Variants in LIMCH1 observed in about 807,000 individuals in gnomAD.
LIMCH1 encodes LIM and calponin homology domains-containing protein 1.
LIMCH1 carries 113 observed loss-of-function variants against 176.5 expected under a neutral mutation model. The observed-to-expected ratio is 0.64, with a 90% confidence interval of 0.55 to 0.75. The LOEUF is 0.75. Ranked by LOEUF, LIMCH1 falls within the 30% of genes least tolerant of loss-of-function variation. The pLI is 0.00. For synonymous variants in LIMCH1, 619 were observed against 645.9 expected (o/e 0.96, Z 0.63); for missense variants, 1,674 against 1,814.9 (o/e 0.92, Z 1.41).
At chr4:41,598,851 C>A in intron 1 of LIMCH1, 69 bp from the exon 2 acceptor site, 3 of 974,640 alleles carry the variant, frequency 3.1e-6, no homozygotes, top group Non-Finnish European at 3.2e-6. Flanking sequence ...CCTACAGCAA[C>A]TTGGGAGGGG....
At chr4:41,612,904 A>T in intron 4 of LIMCH1, 1 of 1,427,346 alleles carries the variant, frequency 7.0e-7, no homozygotes, top group Non-Finnish European at 9.1e-7. Flanking sequence ...TCCCTTTCAG[A>T]GCAGGAATTT....
At chr4:41,448,514 G>A (rs1192977175) in intron 1 of LIMCH1, among the ~76,000 whole-genome samples, 2 of 151,628 alleles carry the variant, frequency 1.3e-5, no homozygotes, top group Admixed American at 6.6e-5. Flanking sequence ...ATGTCAGTGC[G>A]TAAGGAAGCA....
intron 4 of LIMCH1, among the ~76,000 whole-genome samples, chr4:41,609,026 A>G (rs1246779670): frequency 6.6e-6 from 1 of 152,006 alleles, no homozygotes; most frequent in African/African-American, 2.4e-5. Flanking sequence ...AATTCCTAGT[A>G]ATGTACCCTG....
intron 1 of LIMCH1, among the ~76,000 whole-genome samples, chr4:41,549,382 T>G (rs1226129281): frequency 1.3e-5 from 2 of 152,172 alleles, no homozygotes; most frequent in Admixed American, 6.5e-5. Context: ...GACACAGGGA[T>G]GTGAAGTCCG....
intron 1 of LIMCH1, among the ~76,000 whole-genome samples, chr4:41,492,419 GAGAGGGAGCCC>G (rs1185684941): frequency 1.3e-5 from 2 of 148,780 alleles, no homozygotes; most frequent in East Asian, 4.1e-4. Flanking sequence ...GGCTCCACAA[GAGAGGGAGCCC>G]AGAGGGAGAA....
At chr4:41,669,616 T>C (rs2094946299) in intron 21 of LIMCH1, among the ~76,000 whole-genome samples, 1 of 152,220 alleles carries the variant, frequency 6.6e-6, no homozygotes. Flanking sequence ...CTCAAGTATT[T>C]ATTTAAATTG....
In LIMCH1 at chr4:41,434,085, A is replaced by T. The variant is rs571201463; in HGVS notation, c.97-60451A>T. Among the ~76,000 whole-genome samples, 8 of 152,286 alleles carry T rather than the reference A, an allele frequency of 5.3e-5. No homozygotes were observed. In the South Asian group the frequency reaches 1.7e-3, roughly 32 times the overall value. ...GGACAAAATGGTGAGGTCAGGTGGA[A>T]GGGGCCCCAGGGCACTCACCAAGGC... On this transcript the variant is annotated intron_variant, in intron 1 of 26. Coordinates refer to the LIMCH1 transcript ENST00000313860.
At chr4:41,613,861 C>G (rs992649004) in intron 5 of LIMCH1, among the ~76,000 whole-genome samples, 200 bp downstream of exon 5, 8 of 152,156 alleles carry the variant, frequency 5.3e-5, no homozygotes, top group Non-Finnish European at 7.3e-5. Flanking sequence ...TTGGCTTTGC[C>G]AGGAGTTTAT....
At chr4:41,648,915 C>T (rs2152937187) in intron 17 of LIMCH1, among the ~76,000 whole-genome samples, 1 of 150,786 alleles carries the variant, frequency 6.6e-6, no homozygotes, top group African/African-American at 2.4e-5. Context: ...CATAGTGTGT[C>T]ACACAATGAA....
chr4:41,516,027 A>G (rs923659552), intron 2 of LIMCH1, among the ~76,000 whole-genome samples: 2 of 152,030 alleles, frequency 1.3e-5, no homozygotes, highest in Non-Finnish European at 2.9e-5. Context: ...TGCATGTATC[A>G]CTCCCTGTGT....
At chr4:41,494,222 A>G (rs2071610944) in intron 1 of LIMCH1, among the ~76,000 whole-genome samples, 1 of 151,802 alleles carries the variant, frequency 6.6e-6, no homozygotes, top group Non-Finnish European at 1.5e-5. Context: ...TGGGAAGGAA[A>G]TTCAGGCCTA....
intron 1 of LIMCH1, among the ~76,000 whole-genome samples, chr4:41,379,576 C>G (rs1411541314): frequency 6.6e-6 from 1 of 152,104 alleles, no homozygotes; most frequent in Admixed American, 6.5e-5. Flanking sequence ...ATCAAAGAAT[C>G]TGTGGACATA....
At chr4:41,649,635 T>G (rs980788701) in intron 17 of LIMCH1, among the ~76,000 whole-genome samples, 1 of 152,108 alleles carries the variant, frequency 6.6e-6, no homozygotes, top group Non-Finnish European at 1.5e-5. Context: ...TTCAATCAGG[T>G]CACCTAACTG....
chr4:41,388,596 G>A (rs1204732489), intron 1 of LIMCH1, among the ~76,000 whole-genome samples: 1 of 152,114 alleles, frequency 6.6e-6, no homozygotes, highest in Non-Finnish European at 1.5e-5. Flanking sequence ...TATGGAATTG[G>A]ACTTTTACAA....
chr4:41,468,818 G>A (rs1393359826), intron 1 of LIMCH1, among the ~76,000 whole-genome samples: 5 of 152,056 alleles, frequency 3.3e-5, no homozygotes, highest in African/African-American at 9.7e-5. Flanking sequence ...CTGGTGGGTG[G>A]CAGCTCGGAT....
At chr4:41,608,957 C>T (rs775516649) in intron 4 of LIMCH1, among the ~76,000 whole-genome samples, 7 of 152,118 alleles carry the variant, frequency 4.6e-5, no homozygotes, top group Non-Finnish European at 1.0e-4. Flanking sequence ...GGATTACTTG[C>T]TTCTAGCTCC....
intron 2 of LIMCH1, among the ~76,000 whole-genome samples, chr4:41,522,381 T>A (rs955662344): frequency 6.6e-6 from 1 of 152,162 alleles, no homozygotes; most frequent in African/African-American, 2.4e-5. Flanking sequence ...TAAATTCTCC[T>A]CTGGAAAGTC....
chr4:41,621,178 G>T (rs1162155888), intron 7 of LIMCH1, among the ~76,000 whole-genome samples: 1 of 152,032 alleles, frequency 6.6e-6, no homozygotes. Flanking sequence ...AAGTAGAATT[G>T]GGTTTATTTG....
At chr4:41,678,250 A>G (rs1034771223) in intron 23 of LIMCH1, among the ~76,000 whole-genome samples, 6 of 148,654 alleles carry the variant, frequency 4.0e-5, no homozygotes, top group Non-Finnish European at 8.9e-5. Flanking sequence ...TTTTTTTCCT[A>G]ATCCTTTTGG....
Sources: gnomAD v4.1 joint callset for allele counts (sites outside exome capture counted in the v4.1 genomes callset) on GRCh38, gnomAD v4.1.1 for gene constraint, MANE v1.5 for transcripts, NCBI Gene and HGNC (gene_info 2026-07-23, HGNC 2026-07-21) for gene names.